Variants in UGT1A9 observed in about 807,000 individuals in gnomAD.
UGT1A9 encodes UDP-glucuronosyltransferase 1A9.
Under a neutral mutation model 45.0 loss-of-function variants are expected in UGT1A9, and 35 were observed. The observed-to-expected ratio is 0.78, with a 90% CI of 0.59 to 1.03. The LOEUF is 1.03. Among genes scored for constraint, UGT1A9 ranks in the 50% least tolerant of loss-of-function variants. The pLI is 0.00. For missense variants in UGT1A9, 687 were observed against 666.6 expected (o/e 1.03, Z -0.34); for synonymous variants, 278 against 250.6 (o/e 1.11, Z -1.03).
Position 233,767,856 on chromosome 2 carries a change from G to C in UGT1A9, c.995G>C (p.Trp332Ser), listed in dbSNP as rs1181740769. ...ALGKIPQTVL[W>S]RYTGTRPSNL... Reference sequence around the variant, plus strand: ...TCTTTTTGCCCCTCCCAGGTCCTGTGGCGGTACACTGGAACCCGACCATCG... The same window carrying C: ...TCTTTTTGCCCCTCCCAGGTCCTGTCGCGGTACACTGGAACCCGACCATCG... The change falls in exon 3 of 5, where the codon TGG becomes TCG. Residue 332 changes from tryptophan (W) to serine (S), a missense_variant. Physicochemically the swap from Trp to Ser is radical, Grantham distance 177. Coordinates refer to ENST00000354728, the MANE Select transcript of UGT1A9 (RefSeq NM_021027.3). 1 of 1,614,108 alleles carries C rather than the reference G, an allele frequency of 6.2e-7. No individual in the cohort carries two copies. Among genetic ancestry groups the C allele is most frequent in the South Asian group, 1.1e-5 (1 of 91,082 alleles).
At chr2:233,730,044 A>T (rs2361501) in intron 1 of UGT1A9, 750,246 of 1,611,504 alleles carry the variant, frequency 0.47, 182,645 homozygotes, top group African/African-American at 0.81. Flanking sequence ...AACACTTTTT[A>T]AAAAAATGTA....
intron 1 of UGT1A9, chr2:233,755,175 G>T: frequency 8.0e-7 from 1 of 1,245,528 alleles, no homozygotes; most frequent in Non-Finnish European, 1.1e-6. Context: ...GTTTTTGTCG[G>T]GGTGCCACTT....
At chr2:233,734,280 C>A (rs2078507648) in intron 1 of UGT1A9, among the ~76,000 whole-genome samples, 1 of 152,066 alleles carries the variant, frequency 6.6e-6, no homozygotes, top group South Asian at 2.1e-4. Flanking sequence ...GGAATTTATC[C>A]ATTTCTTCTA....
chr2:233,681,332 G>A (rs1575426838), intron 1 of UGT1A9, among the ~76,000 whole-genome samples: 1 of 151,776 alleles, frequency 6.6e-6, no homozygotes, highest in African/African-American at 2.4e-5. Context: ...TCAGGAGTTC[G>A]AGACCAGCCT....
chr2:233,708,719 T>C (rs62191898), intron 1 of UGT1A9: 22,793 of 151,908 alleles, frequency 0.15, 2,024 homozygotes, highest in South Asian at 0.24. Flanking sequence ...TCATTGCACC[T>C]CAGCCTGGGC....
chr2:233,729,285 C>G (rs1346383611), intron 1 of UGT1A9: 12 of 1,614,080 alleles, frequency 7.4e-6, no homozygotes, highest in Non-Finnish European at 5.9e-6. Context: ...AGCTCCATGC[C>G]AGAGGCCACC....
rs45449797 is a variant in UGT1A9, at chr2:233,730,263, G to A, written c.856-36771G>A. ...ACTGGTGTGACTCATAGAGACTGTT[G>A]GTTTGTAAAGGCACCATCTTCATGG... is the stretch of plus-strand genomic sequence containing the variant. On this transcript the variant is annotated intron_variant, in intron 1 of 4. Coordinates refer to ENST00000354728, the MANE Select transcript of UGT1A9 (RefSeq NM_021027.3). 4.3e-4 allele frequency among the ~76,000 whole-genome samples: 66 copies of A among 152,188 alleles called. 2 individuals are homozygous for A. In the East Asian group the frequency reaches 0.011, roughly 26 times the overall value.
At position 233,747,852 on chromosome 2, in the gene UGT1A9, A is replaced by G. The variant is rs1025681492; in HGVS notation, c.856-19182A>G. The G allele has an allele frequency of 1.3e-5, 21 of 1,613,396 alleles. 1 individual carries two copies. The African/African-American group carries it at 1.9e-4, about 14-fold the overall frequency. On this transcript the variant is annotated intron_variant, in intron 1 of 4. Coordinates refer to ENST00000354728, the MANE Select transcript of UGT1A9 (RefSeq NM_021027.3). ...GACATTCCTGCAAAGGGTCAAGAAC[A>G]TGCTCTACCCTCTGGCCCTGTCCTA...
In UGT1A9 at chr2:233,772,286, C is replaced by T. The variant is rs1559419792; in HGVS notation, c.1320C>T (p.Leu440=). ...DKSYKENIMR[L]SSLHKDRPVE... ...GTTACAAGGAGAACATCATGCGCCT[C>T]TCCAGCCTTCACAAGGACCGCCCGG... The change falls in exon 5 of 5, where the codon CTC becomes CTT. Residue 440 remains leucine, a synonymous_variant. Transcript: ENST00000354728. 1 of 1,614,248 alleles carries T rather than the reference C, an allele frequency of 6.2e-7. No homozygotes were observed. The highest frequency in any genetic ancestry group is 8.5e-7 in the Non-Finnish European group (1 of 1,180,054).
At chr2:233,714,961 C>T (rs2076425235) in intron 1 of UGT1A9, among the ~76,000 whole-genome samples, 1 of 152,180 alleles carries the variant, frequency 6.6e-6, no homozygotes, top group South Asian at 2.1e-4. Context: ...ATTGCAACCT[C>T]CACCTCCCAG....
intron 1 of UGT1A9, chr2:233,755,155 T>G (rs921927491): frequency 2.3e-6 from 3 of 1,293,388 alleles, no homozygotes; most frequent in Non-Finnish European, 2.1e-6. Flanking sequence ...GCTTCCTCCC[T>G]GTCCTCGGGG....
rs1449791470 is a variant in UGT1A9 at position 233,678,850 on chromosome 2, G to T, written c.855+6061G>T. Among the ~76,000 whole-genome samples the T allele has an allele frequency of 3.3e-5, 5 of 152,124 alleles. No individual in the cohort carries two copies. In the South Asian group the frequency reaches 8.3e-4, roughly 25 times the overall value. On this transcript the variant is annotated intron_variant, in intron 1 of 4. Coordinates refer to ENST00000354728, the MANE Select transcript of UGT1A9 (RefSeq NM_021027.3). Reference sequence around the variant, plus strand: ...TGAAATACCTTATCCCCAACATTTTGTTGCTGTATCCATAATCCCTTCATG... The same window carrying T: ...TGAAATACCTTATCCCCAACATTTTTTTGCTGTATCCATAATCCCTTCATG...
chr2:233,692,797 C>T (rs925616937), intron 1 of UGT1A9: 53 of 1,378,306 alleles, frequency 3.8e-5, no homozygotes, highest in Middle Eastern at 2.7e-4. Flanking sequence ...AAAGCTGACA[C>T]GGCCATAGTT....
At chr2:233,761,009 A>G (rs1395770157) in intron 1 of UGT1A9, 4 of 1,613,884 alleles carry the variant, frequency 2.5e-6, no homozygotes, top group Non-Finnish European at 3.4e-6. Flanking sequence ...CTTCAGAGAG[A>G]GGTGACTGTC....
chr2:233,750,793 G>A (rs996966433), intron 1 of UGT1A9: 7 of 151,906 alleles, frequency 4.6e-5, no homozygotes, highest in African/African-American at 1.7e-4. Flanking sequence ...CAGAAGATAA[G>A]AATTTAGGTT....
At chr2:233,751,192 T>A (rs984172323) in intron 1 of UGT1A9, among the ~76,000 whole-genome samples, 4 of 151,858 alleles carry the variant, frequency 2.6e-5, no homozygotes, top group African/African-American at 9.7e-5. Context: ...AAGTTAAAGG[T>A]GATAATTTTG....
At position 233,692,977 on chromosome 2, in the gene UGT1A9, T is replaced by A. The variant is rs748283571; in HGVS notation, c.855+20188T>A. The A allele has an allele frequency of 8.7e-6, 14 of 1,612,662 alleles. No homozygotes were observed. The East Asian group carries it at 3.1e-4, about 36-fold the overall frequency. On this transcript the variant is annotated intron_variant, in intron 1 of 4. Transcript: ENST00000354728. ...GATTTGGAGAGTGAAAACTCTTTAT[T>A]ACCGTTGTTACTTTAACTCTTTCCA...
At chr2:233,719,078 G>C in intron 1 of UGT1A9, 1 of 1,614,254 alleles carries the variant, frequency 6.2e-7, no homozygotes, top group Non-Finnish European at 8.5e-7. Flanking sequence ...CATGGACCCA[G>C]AAGGAATTTG....
chr2:233,724,239 G>A, intron 1 of UGT1A9, among the ~76,000 whole-genome samples: 1 of 128,664 alleles, frequency 7.8e-6, no homozygotes, highest in African/African-American at 3.1e-5. Context: ...GGGCGGCCGG[G>A]CAGAGGCGCC....
Sources: gnomAD v4.1 joint callset for allele counts (sites outside exome capture counted in the v4.1 genomes callset) on GRCh38, gnomAD v4.1.1 for gene constraint, MANE v1.5 for transcripts, NCBI Gene and HGNC (gene_info 2026-07-23, HGNC 2026-07-21) for gene names.